The following SUSD4 variants were observed in gnomAD, a reference collection of about 807,000 sequenced individuals.
SUSD4 encodes sushi domain containing 4.
A neutral mutation model predicts 50.5 loss-of-function variants in SUSD4; 41 were observed. The ratio of observed to expected loss-of-function variants is 0.81; its 90% confidence interval spans 0.63 to 1.05. SUSD4 has a LOEUF of 1.05. Among genes scored for constraint, SUSD4 ranks in the 50% least tolerant of loss-of-function variants. SUSD4 has a pLI of 0.00. For synonymous variants in SUSD4, 257 were observed against 257.3 expected (o/e 1.00, Z 0.01); for missense variants, 580 against 634.7 (o/e 0.91, Z 0.93).
intron 2 of SUSD4, among the ~76,000 whole-genome samples, chr1:223,340,180 T>A (rs913864233): frequency 1.3e-5 from 2 of 152,132 alleles, no homozygotes; most frequent in Admixed American, 6.5e-5. Context: ...AAAAGCAGAA[T>A]AACACCCAGA....
chr1:223,277,810 AT>A (rs1663386580), intron 3 of SUSD4, among the ~76,000 whole-genome samples: 2 of 152,186 alleles, frequency 1.3e-5, no homozygotes, highest in Admixed American at 6.5e-5. Context: ...CAACACTGAC[AT>A]TTCTGATTCT....
intron 2 of SUSD4, chr1:223,359,086 G>A (rs2102598851): frequency 2.1e-6 from 1 of 471,094 alleles, no homozygotes. Flanking sequence ...TATGCAGAGA[G>A]GGCCGCTGGA....
At chr1:223,317,855 T>C (rs1009304870) in intron 2 of SUSD4, among the ~76,000 whole-genome samples, 4 of 141,512 alleles carry the variant, frequency 2.8e-5, no homozygotes, top group African/African-American at 1.0e-4. Context: ...TTTTTTCTTT[T>C]TTTTTTTTTT....
intron 5 of SUSD4, among the ~76,000 whole-genome samples, chr1:223,261,163 G>A (rs1012127895): frequency 2.6e-5 from 4 of 152,148 alleles, no homozygotes; most frequent in Admixed American, 6.5e-5. Context: ...AAGAGCTTGC[G>A]GCCACCCAGC....
rs75029427 is a variant in SUSD4 at position 223,229,098 on chromosome 1, G to T, written c.916+99C>A. The T allele has an allele frequency of 0.013, 15,752 of 1,222,692 alleles. 786 individuals carry two copies. The highest frequency in any genetic ancestry group is 0.11 in the East Asian group (4,760 of 42,182). The allele number at this position is 1,222,692 out of a possible 1,614,324, so 75.7% of individuals were successfully genotyped here. On this transcript the variant is annotated intron_variant, in intron 6 of 8. Coordinates refer to ENST00000366878, the MANE Select transcript of SUSD4 (RefSeq NM_017982.4). This position sits in a 1 kb window ranked among gnomAD's most constrained non-coding sequence, Gnocchi z 4.7. ...GATATCCTGTTCCTGACACTGGGTG[G>T]GGGAGGAGAGATACAGCTTGGTACA... is the stretch of plus-strand genomic sequence containing the variant.
intron 3 of SUSD4, among the ~76,000 whole-genome samples, chr1:223,276,281 G>A (rs146951997): frequency 2.9e-4 from 44 of 152,346 alleles, no homozygotes; most frequent in African/African-American, 8.7e-4. Context: ...ATGTGCTGAT[G>A]ATGTTGTTGT....
intron 7 of SUSD4, among the ~76,000 whole-genome samples, chr1:223,225,684 T>C (rs1659472248): frequency 6.6e-6 from 1 of 152,168 alleles, no homozygotes. Flanking sequence ...CTCCTCACCA[T>C]CCCTGGCACC....
At chr1:223,327,995 A>G (rs1294135837) in intron 2 of SUSD4, among the ~76,000 whole-genome samples, 2 of 152,174 alleles carry the variant, frequency 1.3e-5, no homozygotes, top group Admixed American at 6.5e-5. Flanking sequence ...CCGGTCTCCA[A>G]TCTCTTTATC....
At chr1:223,313,842 C>T (rs942014610) in intron 2 of SUSD4, among the ~76,000 whole-genome samples, 2 of 152,152 alleles carry the variant, frequency 1.3e-5, no homozygotes, top group Non-Finnish European at 2.9e-5. Context: ...ACACTCCTGC[C>T]AGCACCACGG....
intron 2 of SUSD4, among the ~76,000 whole-genome samples, chr1:223,357,732 C>G (rs929291811): frequency 3.3e-5 from 5 of 152,196 alleles, no homozygotes; most frequent in African/African-American, 1.2e-4. Context: ...TCCCTTTTCC[C>G]AACCTTCCAT....
At chr1:223,348,693 A>T (rs1460434627) in intron 2 of SUSD4, among the ~76,000 whole-genome samples, 3 of 152,210 alleles carry the variant, frequency 2.0e-5, no homozygotes, top group Non-Finnish European at 4.4e-5. Context: ...CCTAGCCTAA[A>T]GGTGCGTAAG....
intron 3 of SUSD4, among the ~76,000 whole-genome samples, chr1:223,291,235 G>A (rs975880935): frequency 6.6e-6 from 1 of 152,084 alleles, no homozygotes; most frequent in South Asian, 2.1e-4. Flanking sequence ...GCTCATGCCT[G>A]TAATCGCAGC....
intron 2 of SUSD4, among the ~76,000 whole-genome samples, chr1:223,324,367 T>C (rs1463158671): frequency 6.6e-6 from 1 of 151,598 alleles, no homozygotes; most frequent in Non-Finnish European, 1.5e-5. Flanking sequence ...CTGTCATCCA[T>C]TGGCTGCTAG....
intron 3 of SUSD4, 108 bp from the exon 4 acceptor site, chr1:223,268,783 C>T: frequency 8.8e-7 from 1 of 1,135,796 alleles, no homozygotes; most frequent in South Asian, 1.6e-5. Flanking sequence ...ACCTACACAG[C>T]AATCTGATAA....
chr1:223,308,302 G>A (rs1473129768), intron 2 of SUSD4, among the ~76,000 whole-genome samples: 1 of 152,052 alleles, frequency 6.6e-6, no homozygotes, highest in African/African-American at 2.4e-5. Context: ...GTTCTCTTGA[G>A]ATGTGGTTGT....
chr1:223,356,345 A>AT (rs1367208717), intron 2 of SUSD4, among the ~76,000 whole-genome samples: 1 of 151,848 alleles, frequency 6.6e-6, no homozygotes, highest in African/African-American at 2.4e-5. Flanking sequence ...ATCAAATGTT[A>AT]TTTTTACTTC....
At chr1:223,232,223 ACG>A in intron 5 of SUSD4, among the ~76,000 whole-genome samples, 1 of 152,276 alleles carries the variant, frequency 6.6e-6, no homozygotes, top group Non-Finnish European at 1.5e-5. Flanking sequence ...GTTCCATAGG[ACG>A]AAGCCCAGAG....
intron 3 of SUSD4, among the ~76,000 whole-genome samples, chr1:223,274,402 G>T (rs1489816414): frequency 6.6e-6 from 1 of 152,196 alleles, no homozygotes; most frequent in Non-Finnish European, 1.5e-5. Context: ...AGCAGGGCTG[G>T]TCCAGGTTGT....
chr1:223,235,166 C>T, intron 5 of SUSD4: 1 of 1,479,032 alleles, frequency 6.8e-7, no homozygotes, highest in Non-Finnish European at 9.1e-7. Context: ...AAAAAAAAAC[C>T]TAAAGCCCTT....
Sources: allele counts gnomAD v4.1 joint callset (sites outside exome capture counted in the v4.1 genomes callset), GRCh38; gene constraint gnomAD v4.1.1; non-coding constraint Gnocchi (gnomAD v3.1); transcripts MANE v1.5; gene names NCBI Gene and HGNC (gene_info 2026-07-23, HGNC 2026-07-21).